Variants in ADAM12 observed in about 807,000 individuals in gnomAD.
ADAM12 encodes ADAM metallopeptidase domain 12.
A neutral mutation model predicts 106.4 loss-of-function variants in ADAM12; 70 were observed. The observed-to-expected ratio is 0.66, with a 90% CI of 0.54 to 0.80. ADAM12 has a LOEUF of 0.80. ADAM12 is among the 30% of genes least tolerant of loss of function. ADAM12 has a pLI of 0.00. For missense variants in ADAM12, 1,010 were observed against 1,171.9 expected, an observed-to-expected ratio of 0.86 and a Z score of 2.02; for synonymous variants, 420 against 433.5, an observed-to-expected ratio of 0.97 and a Z score of 0.39.
chr10:126,038,925 T>G (rs1459425481), intron 19 of ADAM12, among the ~76,000 whole-genome samples: 1 of 151,468 alleles, frequency 6.6e-6, no homozygotes, highest in Admixed American at 6.6e-5. Context: ...AGAAGCAGTT[T>G]GCTGTACATT....
intron 3 of ADAM12, among the ~76,000 whole-genome samples, chr10:126,159,094 G>A (rs1956885280): frequency 6.6e-6 from 1 of 152,126 alleles, no homozygotes; most frequent in Non-Finnish European, 1.5e-5. Flanking sequence ...CAGATCACGA[G>A]GTCAGGAGAT....
At chr10:126,235,461 C>T (rs896853639) in intron 3 of ADAM12, among the ~76,000 whole-genome samples, 4 of 152,210 alleles carry the variant, frequency 2.6e-5, no homozygotes, top group South Asian at 2.1e-4. Flanking sequence ...GGCTCCAAGT[C>T]GGGCCCCTGG....
At chr10:126,346,068 T>C (rs545286428) in intron 1 of ADAM12, among the ~76,000 whole-genome samples, 122 of 152,340 alleles carry the variant, frequency 8.0e-4, no homozygotes, top group African/African-American at 2.8e-3. Context: ...TGCTAGCTTT[T>C]GAATTTGTTT....
intron 21 of ADAM12, among the ~76,000 whole-genome samples, chr10:126,034,619 G>A (rs1320343451): frequency 6.6e-6 from 1 of 152,066 alleles, no homozygotes; most frequent in East Asian, 1.9e-4. Context: ...TTAAAATATA[G>A]TGACTGGCTA....
rs143938135 is a variant in ADAM12, at chr10:126,049,393, T to C, written c.1777A>G (p.Thr593Ala). Residue 593 changes from threonine (T) to alanine (A), a missense_variant, in exon 16 of 23, where the codon ACC becomes GCC. This residue lies in a region of ADAM12 where 615 missense variants were observed against 708.5 expected (regional missense o/e 0.87). Coordinates refer to ENST00000448723, the MANE Select transcript of ADAM12 (RefSeq NM_001288973.2). The surrounding 1 kb of genome is among the most constrained non-coding windows in gnomAD (Gnocchi z 4.4). ...QGGASRPVIG[T>A]NAVSIETNIP... ...TTTGTTTCTATGGAAACGGCATTGGTACCAATGACTGGCCGGCTGGCACCT... is the reference window on the plus strand; with the variant it reads ...TTTGTTTCTATGGAAACGGCATTGGCACCAATGACTGGCCGGCTGGCACCT... 627 of 1,614,222 alleles carry C rather than the reference T, an allele frequency of 3.9e-4. No individual in the cohort carries two copies. The highest frequency in any genetic ancestry group is 4.9e-4 in the Non-Finnish European group (582 of 1,180,044).
intron 3 of ADAM12, among the ~76,000 whole-genome samples, chr10:126,198,213 C>G (rs1319109034): frequency 6.6e-6 from 1 of 152,220 alleles, no homozygotes; most frequent in Non-Finnish European, 1.5e-5. Flanking sequence ...GGGTCAGTCA[C>G]CGTTGCAGAC....
intron 3 of ADAM12, among the ~76,000 whole-genome samples, chr10:126,265,171 G>A (rs941955735): frequency 2.6e-5 from 4 of 152,260 alleles, no homozygotes; most frequent in South Asian, 4.1e-4. Context: ...ATCACCAAAT[G>A]TGAGATGCTA....
intron 3 of ADAM12, among the ~76,000 whole-genome samples, chr10:126,208,827 C>A (rs571632718): frequency 6.7e-6 from 1 of 149,190 alleles, no homozygotes; most frequent in African/African-American, 2.5e-5. Flanking sequence ...TCTTACACTG[C>A]GGGATAGAAA....
At chr10:126,073,469 G>A (rs1396795154) in intron 11 of ADAM12, among the ~76,000 whole-genome samples, 1 of 152,108 alleles carries the variant, frequency 6.6e-6, no homozygotes, top group African/African-American at 2.4e-5. Context: ...GCATGTTAGC[G>A]AGGTTTGGTG....
chr10:126,262,893 C>T (rs895854530), intron 3 of ADAM12, among the ~76,000 whole-genome samples: 7 of 152,146 alleles, frequency 4.6e-5, no homozygotes, highest in African/African-American at 9.7e-5. Context: ...ATCATGTTGG[C>T]GAGGGATGTC....
chr10:126,326,879 G>A (rs916501662), intron 2 of ADAM12, among the ~76,000 whole-genome samples: 2 of 152,138 alleles, frequency 1.3e-5, no homozygotes, highest in Admixed American at 6.5e-5. Context: ...TCCACAGAGA[G>A]GCCTTTCCTG....
intron 3 of ADAM12, among the ~76,000 whole-genome samples, chr10:126,234,171 A>C (rs1049637664): frequency 6.6e-6 from 1 of 152,224 alleles, no homozygotes; most frequent in Non-Finnish European, 1.5e-5. Context: ...ATGTCAAAGA[A>C]AAAAGATGGG....
At chr10:126,149,408 C>T (rs980581822) in intron 4 of ADAM12, among the ~76,000 whole-genome samples, 17 of 152,260 alleles carry the variant, frequency 1.1e-4, no homozygotes, top group African/African-American at 4.1e-4. Flanking sequence ...CATTTTTCCT[C>T]CCAAGTGAGA....
chr10:126,112,038 T>C (rs1306299318), intron 6 of ADAM12, among the ~76,000 whole-genome samples: 1 of 152,156 alleles, frequency 6.6e-6, no homozygotes, highest in Non-Finnish European at 1.5e-5. Context: ...ATGTGGTATA[T>C]ACATACACCA....
chr10:126,377,018 G>T (rs994183401), intron 1 of ADAM12, among the ~76,000 whole-genome samples: 2 of 152,192 alleles, frequency 1.3e-5, no homozygotes, highest in Non-Finnish European at 2.9e-5. Flanking sequence ...AAGGTTTGGG[G>T]TGAGCAACGA....
intron 18 of ADAM12, 141 bp from the exon 19 acceptor site, chr10:126,039,570 A>ACTGT (rs1590320407): frequency 1.0e-6 from 1 of 983,210 alleles, no homozygotes; most frequent in Non-Finnish European, 1.5e-6. Flanking sequence ...GTACTAATAA[A>ACTGT]CTGTCTTACT....
At position 126,330,411 on chromosome 10, in the gene ADAM12, C is replaced by T. The variant is rs775913818; in HGVS notation, c.186+1G>A. The T allele has an allele frequency of 1.2e-6, 2 of 1,611,256 alleles. No individual in the cohort carries two copies. Among genetic ancestry groups the T allele is most frequent in the Non-Finnish European group, 1.7e-6 (2 of 1,179,040 alleles). Reference sequence around the variant, plus strand: ...AAGCTGAGAAAAGGAGAGGAACTCACCTTGGAGTCGAAGCTCTTCACTGGG... The same window carrying T: ...AAGCTGAGAAAAGGAGAGGAACTCATCTTGGAGTCGAAGCTCTTCACTGGG... On this transcript the variant is annotated splice_donor_variant, in intron 2 of 22. Coordinates refer to ENST00000448723, the MANE Select transcript of ADAM12 (RefSeq NM_001288973.2). LOFTEE classifies it high-confidence loss of function.
intron 11 of ADAM12, among the ~76,000 whole-genome samples, chr10:126,074,806 C>T (rs1176113624): frequency 1.3e-5 from 2 of 152,236 alleles, no homozygotes; most frequent in Non-Finnish European, 2.9e-5. Flanking sequence ...ATGTCCTCCT[C>T]AGATGCGAAA....
chr10:126,202,573 T>C (rs1957722792), intron 3 of ADAM12, among the ~76,000 whole-genome samples: 1 of 152,178 alleles, frequency 6.6e-6, no homozygotes, highest in African/African-American at 2.4e-5. Flanking sequence ...ATTGCTGCAG[T>C]GGATTGAAGA....
Sources: gnomAD v4.1 joint callset for allele counts (sites outside exome capture counted in the v4.1 genomes callset) on GRCh38, gnomAD v4.1.1 for gene constraint, gnomAD v4.1.1 regional missense constraint, Gnocchi (gnomAD v3.1) non-coding constraint, MANE v1.5 for transcripts, NCBI Gene and HGNC (gene_info 2026-07-23, HGNC 2026-07-21) for gene names.